The following RAB38 variants were observed in gnomAD, a reference collection of about 807,000 sequenced individuals.
RAB38 encodes the protein RAB38, member RAS oncogene family.
In RAB38, 15 loss-of-function variants were observed where a neutral mutation model predicts 18.4. The ratio of observed to expected loss-of-function variants is 0.82; its 90% CI spans 0.55 to 1.26. The LOEUF (loss-of-function observed/expected upper bound fraction) is 1.26. Among genes scored for constraint, RAB38 ranks in the 50% most tolerant of loss-of-function variants. The pLI is 0.00. For missense variants in RAB38, 294 were observed against 267.4 expected (o/e 1.10, Z -0.69); for synonymous variants, 101 against 104.4 (o/e 0.97, Z 0.20).
the RAB38 span, among the ~76,000 whole-genome samples, chr11:87,811,833 A>G: frequency 6.7e-4 from 102 of 152,314 alleles, 2 homozygotes; most frequent in Middle Eastern, 6.8e-3. Flanking sequence ...ATAAAAATGT[A>G]AGAAATTTCC....
chr11:87,834,134 G>A, the RAB38 span, among the ~76,000 whole-genome samples: 1 of 152,124 alleles, frequency 6.6e-6, no homozygotes, highest in South Asian at 2.1e-4. Context: ...AAAGCATATG[G>A]AAAGTCGTGG....
At chr11:88,076,063 A>G in the RAB38 span, among the ~76,000 whole-genome samples, 1 of 151,668 alleles carries the variant, frequency 6.6e-6, no homozygotes, top group Non-Finnish European at 1.5e-5. Flanking sequence ...AAAAAACTGA[A>G]AAGTTTTGTT....
chr11:88,157,809 A>G (rs951307556), intron 1 of RAB38, among the ~76,000 whole-genome samples: 2 of 152,170 alleles, frequency 1.3e-5, no homozygotes, highest in Non-Finnish European at 2.9e-5. Context: ...GGGACACAGC[A>G]TACCAAAATC....
the RAB38 span, among the ~76,000 whole-genome samples, chr11:87,956,759 G>A: frequency 6.6e-6 from 1 of 152,004 alleles, no homozygotes; most frequent in Non-Finnish European, 1.5e-5. Flanking sequence ...TTAACTGAAA[G>A]TAAGTCATAA....
the RAB38 span, among the ~76,000 whole-genome samples, chr11:87,932,054 TC>T: frequency 6.6e-6 from 1 of 151,742 alleles, no homozygotes; most frequent in Non-Finnish European, 1.5e-5. Flanking sequence ...CAGTTCCAGG[TC>T]CCTAGGTTTG....
intron 2 of RAB38, among the ~76,000 whole-genome samples, chr11:88,123,901 C>A (rs1942659350): frequency 6.6e-6 from 1 of 152,256 alleles, no homozygotes; most frequent in Admixed American, 6.5e-5. Flanking sequence ...ATGGATAAGA[C>A]CCACTTCTAG....
the RAB38 span, among the ~76,000 whole-genome samples, chr11:87,873,922 G>GTATA: frequency 0.047 from 4,794 of 102,960 alleles, 206 homozygotes; most frequent in Middle Eastern, 0.11. Context: ...GTGTGTGTGT[G>GTATA]TATATATATA....
chr11:88,022,857 A>G, the RAB38 span, among the ~76,000 whole-genome samples: 1 of 152,166 alleles, frequency 6.6e-6, no homozygotes, highest in Non-Finnish European at 1.5e-5. Flanking sequence ...GAACATATGC[A>G]TGCATGTGTC....
the RAB38 span, among the ~76,000 whole-genome samples, chr11:87,976,905 AATGT>A: frequency 0.037 from 189 of 5,118 alleles, 30 homozygotes; most frequent in South Asian, 0.062. Context: ...TATGTTATAT[AATGT>A]ATTATATATT....
At chr11:88,107,045 G>A in the RAB38 span, among the ~76,000 whole-genome samples, 6 of 152,128 alleles carry the variant, frequency 3.9e-5, no homozygotes, top group South Asian at 2.1e-4. Context: ...ACACACCATC[G>A]TTAAGCTAAA....
chr11:88,173,033 A>G (rs1591182019), intron 1 of RAB38, among the ~76,000 whole-genome samples: 1 of 152,222 alleles, frequency 6.6e-6, no homozygotes, highest in African/African-American at 2.4e-5. Flanking sequence ...TTCTGTGACT[A>G]CAGCCTCCAC....
chr11:88,142,735 A>G (rs931570907), intron 2 of RAB38, among the ~76,000 whole-genome samples: 2 of 152,232 alleles, frequency 1.3e-5, no homozygotes, highest in Admixed American at 1.3e-4. Context: ...AAGAATGTCC[A>G]TTGCATTATA....
the RAB38 span, among the ~76,000 whole-genome samples, chr11:87,810,120 A>G: frequency 6.6e-6 from 1 of 152,216 alleles, no homozygotes; most frequent in Non-Finnish European, 1.5e-5. Context: ...CAGAGGAGAT[A>G]GGAGATATAA....
the RAB38 span, among the ~76,000 whole-genome samples, chr11:88,064,091 G>A: frequency 6.6e-6 from 1 of 152,214 alleles, no homozygotes; most frequent in Non-Finnish European, 1.5e-5. Context: ...GGGACTCAGA[G>A]AGGAAACTGT....
the RAB38 span, among the ~76,000 whole-genome samples, chr11:87,812,245 G>A: frequency 7.9e-5 from 12 of 151,868 alleles, no homozygotes; most frequent in African/African-American, 2.9e-4. Context: ...GCCTCTTTTT[G>A]TTTTGCTAAA....
chr11:87,893,150 C>A, the RAB38 span, among the ~76,000 whole-genome samples: 2 of 151,242 alleles, frequency 1.3e-5, no homozygotes, highest in Non-Finnish European at 3.0e-5. Flanking sequence ...ACTTTCTCTT[C>A]GTCTTTCATT....
chr11:87,917,535 T>G, the RAB38 span, among the ~76,000 whole-genome samples: 1 of 150,878 alleles, frequency 6.6e-6, no homozygotes, highest in Admixed American at 6.6e-5. Flanking sequence ...AAGTGTTTTT[T>G]TTTTTTTTTT....
the RAB38 span, among the ~76,000 whole-genome samples, chr11:88,092,855 AG>A: frequency 2.6e-5 from 4 of 151,920 alleles, no homozygotes; most frequent in Admixed American, 2.6e-4. Flanking sequence ...AAATGAATAA[AG>A]TTTGGGAAAA....
the RAB38 span, among the ~76,000 whole-genome samples, chr11:87,933,972 C>T: frequency 1.3e-5 from 2 of 152,030 alleles, no homozygotes; most frequent in Non-Finnish European, 2.9e-5. Context: ...GTTTCTACCA[C>T]GTCTGGGTAG....
Sources: gnomAD v4.1 joint callset for allele counts (sites outside exome capture counted in the v4.1 genomes callset) on GRCh38, gnomAD v4.1.1 for gene constraint, MANE v1.5 for transcripts, NCBI Gene and HGNC (gene_info 2026-07-23, HGNC 2026-07-21) for gene names.